UGT8: variants seen among roughly 807,000 people sequenced by gnomAD.
The protein encoded by UGT8 is 2-hydroxyacylsphingosine 1-beta-galactosyltransferase.
Under a neutral mutation model 40.5 loss-of-function variants are expected in UGT8, and 12 were observed. That is an observed-to-expected ratio of 0.30 (90% CI 0.19 to 0.48). UGT8 has a LOEUF of 0.48. UGT8 is among the 20% of genes least tolerant of loss of function. The probability of loss-of-function intolerance (pLI) is 0.99; values close to 1 mark genes in which losing one functional copy is unlikely to be tolerated. For synonymous variants in UGT8, 224 were observed against 240.4 expected (o/e 0.93, Z 0.63); for missense variants, 513 against 648.7 (o/e 0.79, Z 2.27).
chr4:114,604,654 A>T (rs891585597), intron 1 of UGT8, among the ~76,000 whole-genome samples: 2 of 152,138 alleles, frequency 1.3e-5, no homozygotes, highest in Non-Finnish European at 2.9e-5. Context: ...AAATGTTTAC[A>T]TCTATGCAGT....
intron 1 of UGT8, among the ~76,000 whole-genome samples, chr4:114,605,942 A>G (rs965960057): frequency 6.6e-6 from 1 of 152,216 alleles, no homozygotes; most frequent in African/African-American, 2.4e-5. Flanking sequence ...ATTAAAGCAC[A>G]TTATATATTA....
intron 2 of UGT8, among the ~76,000 whole-genome samples, chr4:114,630,551 A>G (rs1163875834): frequency 2.6e-5 from 4 of 152,152 alleles, no homozygotes; most frequent in African/African-American, 4.8e-5. Flanking sequence ...GAGAGTGGAT[A>G]GAGATGTAGG....
intron 5 of UGT8, among the ~76,000 whole-genome samples, chr4:114,671,783 A>G (rs770435633): frequency 6.6e-5 from 10 of 152,258 alleles, no homozygotes; most frequent in Non-Finnish European, 1.2e-4. Flanking sequence ...CTTCATGACT[A>G]AAACACCAAA....
At chr4:114,667,985 T>C (rs1734995231) in intron 4 of UGT8, 100 bp from the exon 5 acceptor site, 1 of 1,491,558 alleles carries the variant, frequency 6.7e-7, no homozygotes, top group Non-Finnish European at 8.9e-7. Context: ...TTATCTGAAA[T>C]GCATGTTTAC....
At chr4:114,630,200 G>A (rs1252847399) in intron 2 of UGT8, among the ~76,000 whole-genome samples, 8 of 152,150 alleles carry the variant, frequency 5.3e-5, no homozygotes, top group African/African-American at 1.9e-4. Flanking sequence ...CTTTGTATAT[G>A]AAAAATTGTA....
At chr4:114,671,351 C>G (rs191544348) in intron 5 of UGT8, among the ~76,000 whole-genome samples, 5 of 152,204 alleles carry the variant, frequency 3.3e-5, no homozygotes, top group Admixed American at 6.5e-5. Context: ...ATAGCCAAGA[C>G]AATCCTAAGC....
intron 2 of UGT8, chr4:114,656,945 G>A (rs1241742398): frequency 2.0e-5 from 8 of 396,174 alleles, no homozygotes; most frequent in African/African-American, 1.8e-4. Flanking sequence ...TGTCAGATAT[G>A]GTACATAGCA....
At chr4:114,659,999 G>C (rs566126363) in intron 2 of UGT8, among the ~76,000 whole-genome samples, 1 of 152,132 alleles carries the variant, frequency 6.6e-6, no homozygotes, top group South Asian at 2.1e-4. Context: ...CTAACCATTT[G>C]GTTAAAAATA....
In UGT8 at chr4:114,676,356, A is replaced by C; in HGVS notation, c.*68A>C. On this transcript the variant is annotated 3_prime_UTR_variant, in exon 6 of 6. Transcript: ENST00000310836. ...AATTTTTATTGCTATTATTTAGTCTAACAGCTACTAAAAGTAAAACATCAG... is the reference window on the plus strand; with the variant it reads ...AATTTTTATTGCTATTATTTAGTCTCACAGCTACTAAAAGTAAAACATCAG... 1 of 1,325,518 alleles carries C rather than the reference A, an allele frequency of 7.5e-7. No homozygotes were observed. Among genetic ancestry groups the C allele is most frequent in the Non-Finnish European group, 1.0e-6 (1 of 969,926 alleles). 82.1% of individuals were successfully genotyped at this position (1,325,518 alleles called of 1,614,324 possible).
chr4:114,617,590 A>G (rs1045247977), intron 1 of UGT8, among the ~76,000 whole-genome samples: 5 of 152,178 alleles, frequency 3.3e-5, no homozygotes, highest in Admixed American at 1.3e-4. Flanking sequence ...CCACTGCCAG[A>G]ATCTTGTAGT....
chr4:114,668,767 A>G (rs1735052019), intron 5 of UGT8, among the ~76,000 whole-genome samples: 1 of 152,216 alleles, frequency 6.6e-6, no homozygotes, highest in Non-Finnish European at 1.5e-5. Flanking sequence ...TTTGTACTGC[A>G]TGGTAAGCCT....
chr4:114,667,776 C>T (rs1014720161), intron 4 of UGT8: 1 of 577,636 alleles, frequency 1.7e-6, no homozygotes, highest in African/African-American at 2.0e-5. Context: ...TTCTTGCTTT[C>T]ATTGGCTTCA....
intron 1 of UGT8, among the ~76,000 whole-genome samples, chr4:114,611,445 T>TATATAC (rs1427117348): frequency 7.6e-5 from 8 of 104,732 alleles, no homozygotes; most frequent in African/African-American, 4.0e-4. Flanking sequence ...TATATATATA[T>TATATAC]ACACACACAC....
intron 2 of UGT8, chr4:114,663,685 A>G (rs891969627): frequency 5.1e-6 from 5 of 984,968 alleles, no homozygotes; most frequent in Non-Finnish European, 6.0e-6. Context: ...TTTTTTCTGA[A>G]CATGCATCAG....
chr4:114,654,004 T>C (rs1734030896), intron 2 of UGT8, among the ~76,000 whole-genome samples: 1 of 152,126 alleles, frequency 6.6e-6, no homozygotes, highest in Non-Finnish European at 1.5e-5. Context: ...AGATCTGCAC[T>C]GCGCTCTGTC....
At chr4:114,667,772 C>A in intron 4 of UGT8, 1 of 550,018 alleles carries the variant, frequency 1.8e-6, no homozygotes, top group Non-Finnish European at 2.3e-6. Flanking sequence ...GCATTTCTTG[C>A]TTTCATTGGC....
chr4:114,622,038 T>C (rs1731832227), intron 1 of UGT8, among the ~76,000 whole-genome samples: 1 of 152,106 alleles, frequency 6.6e-6, no homozygotes, highest in Admixed American at 6.5e-5. Context: ...TGTGACATAC[T>C]GGTGTGCTGC....
At chr4:114,660,234 A>T (rs570699075) in intron 2 of UGT8, among the ~76,000 whole-genome samples, 4 of 152,244 alleles carry the variant, frequency 2.6e-5, no homozygotes, top group African/African-American at 9.6e-5. Flanking sequence ...TAAGAAAATT[A>T]CAAAAAAATA....
At chr4:114,627,215 A>G (rs1732282000) in intron 2 of UGT8, among the ~76,000 whole-genome samples, 1 of 152,104 alleles carries the variant, frequency 6.6e-6, no homozygotes, top group Admixed American at 6.5e-5. Context: ...TGCTTTGATC[A>G]AGAAGGAGGT....
Sources: gnomAD v4.1 joint callset for allele counts (sites outside exome capture counted in the v4.1 genomes callset) on GRCh38, gnomAD v4.1.1 for gene constraint, MANE v1.5 for transcripts, NCBI Gene and HGNC (gene_info 2026-07-23, HGNC 2026-07-21) for gene names.